The following TEX15 variants were observed in gnomAD, a reference collection of about 807,000 sequenced individuals.
TEX15 encodes testis-expressed protein 15.
Under a neutral mutation model 237.3 loss-of-function variants are expected in TEX15, and 171 were observed. That is an observed-to-expected ratio of 0.72 (90% CI 0.64 to 0.82). The LOEUF (loss-of-function observed/expected upper bound fraction) is 0.82. Among genes scored for constraint, TEX15 ranks in the 40% least tolerant of loss-of-function variants. The pLI is 0.00. For synonymous variants in TEX15, 1,338 were observed against 1,269.8 expected, an observed-to-expected ratio of 1.05 and a Z score of -1.14; for missense variants, 3,750 against 3,646.5, an observed-to-expected ratio of 1.03 and a Z score of -0.73.
intron 2 of TEX15, among the ~76,000 whole-genome samples, chr8:30,893,608 C>T (rs181915011): frequency 2.0e-5 from 3 of 152,300 alleles, no homozygotes; most frequent in Non-Finnish European, 4.4e-5. Flanking sequence ...AGTAGACTTG[C>T]TGCCATCAGG....
chr8:30,859,176 T>C (rs1313409530), intron 6 of TEX15, among the ~76,000 whole-genome samples: 3 of 152,034 alleles, frequency 2.0e-5, no homozygotes, highest in Non-Finnish European at 4.4e-5. Flanking sequence ...CTGTTTTACA[T>C]GTGGGTGCAT....
chr8:30,892,791 TG>T (rs1434050716), intron 2 of TEX15, among the ~76,000 whole-genome samples: 2 of 152,186 alleles, frequency 1.3e-5, no homozygotes, highest in African/African-American at 4.8e-5. Flanking sequence ...CCCAGCACTT[TG>T]GGAGGCCGAG....
chr8:30,889,510 T>C (rs1808738040), intron 2 of TEX15, among the ~76,000 whole-genome samples: 2 of 152,160 alleles, frequency 1.3e-5, no homozygotes, highest in South Asian at 4.1e-4. Context: ...AGGGTTTCTC[T>C]AGCATAATTT....
chr8:30,886,354 G>A (rs1585308855), intron 3 of TEX15, among the ~76,000 whole-genome samples: 1 of 152,140 alleles, frequency 6.6e-6, no homozygotes. Context: ...AGGGCTGGAA[G>A]GCCATGGTCC....
At position 30,897,514 on chromosome 8, in the gene TEX15, G is replaced by A. The variant is rs142045650; in HGVS notation, c.-10+1228C>T. 6.6e-5 allele frequency among the ~76,000 whole-genome samples: 10 copies of A among 152,030 alleles called. No homozygotes were observed. In the East Asian group the frequency reaches 1.9e-3, roughly 29 times the overall value. On this transcript the variant is annotated intron_variant, in intron 2 of 10. Coordinates refer to ENST00000643185, the MANE Select transcript of TEX15 (RefSeq NM_001350162.2). ...TTTGCTTTTTAAATGTCAATAGTGG[G>A]TCCAATTCCCATCTGCTGAGAGTGA...
rs942721269 is a variant in TEX15 at position 30,847,473 on chromosome 8, A to C, written c.2694T>G (p.Asn898Lys). The change falls in exon 8 of 11, where the codon AAT becomes AAG. Residue 898 changes from asparagine (N) to lysine (K), a missense_variant. By Grantham distance (94) the Asn-to-Lys change is moderately conservative. Transcript: ENST00000643185. Reference sequence around the variant, plus strand: ...AATTTTTGTCCTCCTTTTCATCTATATTGCTGAAATTTTCGTTTGTATGAG... The same window carrying C: ...AATTTTTGTCCTCCTTTTCATCTATCTTGCTGAAATTTTCGTTTGTATGAG... ...QDSHTNENFS[N>K]IDEKEDKNYH... 2.5e-6 allele frequency: 4 copies of C among 1,612,532 alleles called. No individual in the cohort carries two copies. The East Asian group carries it at 8.9e-5, about 36-fold the overall frequency.
intron 7 of TEX15, among the ~76,000 whole-genome samples, chr8:30,857,893 G>A (rs1293202435): frequency 6.6e-6 from 1 of 152,168 alleles, no homozygotes; most frequent in Non-Finnish European, 1.5e-5. Flanking sequence ...AGCATAGTAT[G>A]TGTTGACAAG....
At chr8:30,857,280 G>A (rs770334523) in intron 7 of TEX15, among the ~76,000 whole-genome samples, 3 of 151,944 alleles carry the variant, frequency 2.0e-5, no homozygotes, top group African/African-American at 7.3e-5. Context: ...GAATCCTATC[G>A]CACACCAAAG....
At chr8:30,864,542 G>C (rs965097200) in intron 5 of TEX15, among the ~76,000 whole-genome samples, 1 of 132,204 alleles carries the variant, frequency 7.6e-6, no homozygotes, top group African/African-American at 2.8e-5. Flanking sequence ...GAAAAGAAAA[G>C]AAAAAGGTTT....
Position 30,837,507 on chromosome 8 carries a change from G to C in TEX15, c.8777C>G (p.Ser2926Ter). ...FELQDNDIVN[S>*]SIKNSSCMTS... ...CATGCATGAGGAATTTTTAATAGAT[G>C]AATTTACTATATCATTATCTTGAAG... Residue 2926 changes from serine to a stop codon, truncating the protein, a stop_gained, in exon 10 of 11, where the codon TCA (serine) becomes TGA (stop). Coordinates refer to ENST00000643185, the MANE Select transcript of TEX15 (RefSeq NM_001350162.2). LOFTEE classifies it high-confidence loss of function. The C allele has an allele frequency of 6.2e-7, 1 of 1,612,730 alleles. No homozygotes were observed. The highest frequency in any genetic ancestry group is 2.2e-5 in the East Asian group (1 of 44,854).
chr8:30,902,224 CTTTT>C (rs551012450), intron 1 of TEX15, among the ~76,000 whole-genome samples: 42 of 140,634 alleles, frequency 3.0e-4, no homozygotes, highest in African/African-American at 1.0e-3. Context: ...CCTTTTCCTC[CTTTT>C]TTTTTTTTTT....
At chr8:30,855,359 T>A (rs532572372) in intron 7 of TEX15, among the ~76,000 whole-genome samples, 1 of 152,270 alleles carries the variant, frequency 6.6e-6, no homozygotes, top group South Asian at 2.1e-4. Flanking sequence ...TACTTAGAAA[T>A]AAGCTTAACA....
intron 7 of TEX15, among the ~76,000 whole-genome samples, chr8:30,853,846 G>A (rs905118980): frequency 3.3e-5 from 5 of 151,374 alleles, no homozygotes; most frequent in African/African-American, 7.3e-5. Context: ...AATAGATATC[G>A]GTTAACAAAA....
intron 9 of TEX15, among the ~76,000 whole-genome samples, chr8:30,839,431 A>T (rs1436554953): frequency 5.4e-5 from 5 of 92,270 alleles, no homozygotes; most frequent in African/African-American, 4.0e-4. Flanking sequence ...TGCACAAGTT[A>T]AAAAAAAAAG....
chr8:30,873,943 C>G (rs1181440970), intron 4 of TEX15, among the ~76,000 whole-genome samples: 1 of 152,102 alleles, frequency 6.6e-6, no homozygotes, highest in Admixed American at 6.6e-5. Context: ...TTCTATAACA[C>G]TAACAGGGAG....
intron 3 of TEX15, among the ~76,000 whole-genome samples, chr8:30,877,600 T>C (rs1388074150): frequency 6.6e-6 from 1 of 152,178 alleles, no homozygotes. Flanking sequence ...ACATATGATG[T>C]AGAAATTTTG....
intron 4 of TEX15, 41 bp from the exon 5 acceptor site, chr8:30,867,543 T>C (rs913764952): frequency 7.2e-6 from 9 of 1,246,056 alleles, no homozygotes; most frequent in South Asian, 1.3e-5. Flanking sequence ...AAGATAAATA[T>C]CAACAAAATT....
intron 7 of TEX15, among the ~76,000 whole-genome samples, chr8:30,858,237 T>C (rs939828191): frequency 6.6e-6 from 1 of 151,912 alleles, no homozygotes; most frequent in Admixed American, 6.6e-5. Context: ...TGCAGTATGA[T>C]TCTAGATCTA....
intron 9 of TEX15, 86 bp from the exon 10 acceptor site, chr8:30,838,147 T>C: frequency 1.7e-6 from 2 of 1,209,280 alleles, no homozygotes; most frequent in South Asian, 3.4e-5. Context: ...GAAATTTTTA[T>C]CCAGGGGAAG....
Sources: gnomAD v4.1 joint callset for allele counts (sites outside exome capture counted in the v4.1 genomes callset) on GRCh38, gnomAD v4.1.1 for gene constraint, MANE v1.5 for transcripts, NCBI Gene and HGNC (gene_info 2026-07-23, HGNC 2026-07-21) for gene names.